Variants in COL6A1 observed in about 807,000 individuals in gnomAD.
COL6A1 encodes collagen alpha-1(VI) chain.
A neutral mutation model predicts 145.6 loss-of-function variants in COL6A1; 80 were observed. The observed-to-expected ratio is 0.55, with a 90% CI of 0.46 to 0.66. The LOEUF is 0.66. Among genes scored for constraint, COL6A1 ranks in the 30% least tolerant of loss-of-function variants. COL6A1 has a pLI of 0.00. For missense variants in COL6A1, 1,364 were observed against 1,473.8 expected, an observed-to-expected ratio of 0.93 and a Z score of 1.22; for synonymous variants, 638 against 622.8, an observed-to-expected ratio of 1.02 and a Z score of -0.36.
At chr21:45,993,517 C>T (rs1367065080) in intron 19 of COL6A1, among the ~76,000 whole-genome samples, 2 of 152,270 alleles carry the variant, frequency 1.3e-5, no homozygotes, top group Non-Finnish European at 2.9e-5. Context: ...CGGGTGCCCC[C>T]TTGTCCGAGA....
chr21:45,992,319 G>A (rs920728864), intron 17 of COL6A1, 44 bp from the exon 18 acceptor site: 1 of 1,613,796 alleles, frequency 6.2e-7, no homozygotes, highest in South Asian at 1.1e-5. Flanking sequence ...CAAATGCAGT[G>A]TGTCCACCAG....
In COL6A1 at chr21:45,991,056, G is replaced by A. The variant is rs980833349; in HGVS notation, c.1119+15G>A. On this transcript the variant is annotated intron_variant, in intron 15 of 34. Transcript: ENST00000361866. ...AAGGAGAAAAGGTGAGTGACTTGCGGCCCCTGGAGGACCAGGGCCTTCACG... is the reference window on the plus strand; with the variant it reads ...AAGGAGAAAAGGTGAGTGACTTGCGACCCCTGGAGGACCAGGGCCTTCACG... The A allele has an allele frequency of 6.2e-7, 1 of 1,613,118 alleles. No individual in the cohort carries two copies. The highest frequency in any genetic ancestry group is 8.5e-7 in the Non-Finnish European group (1 of 1,179,914).
At chr21:45,996,906 A>G (rs911155401) in intron 20 of COL6A1, among the ~76,000 whole-genome samples, 9 of 152,280 alleles carry the variant, frequency 5.9e-5, no homozygotes, top group African/African-American at 2.2e-4. Context: ...GTCCAGGCTC[A>G]GCCCACAGAG....
At position 45,982,712 on chromosome 21, in the gene COL6A1, T is replaced by C. The variant is rs751385900; in HGVS notation, c.176T>C (p.Val59Ala). 1 of 1,612,800 alleles carries C rather than the reference T, an allele frequency of 6.2e-7. No homozygotes were observed. Among genetic ancestry groups the C allele is most frequent in the Non-Finnish European group, 8.5e-7 (1 of 1,179,964 alleles). The change falls in exon 2 of 35, where the codon GTG (valine) becomes GCG (alanine). Residue 59 changes from valine (V) to alanine (A), a missense_variant. Val to Ala is a moderately conservative substitution (Grantham distance 64). Coordinates refer to ENST00000361866, the MANE Select transcript of COL6A1 (RefSeq NM_001848.3). Reference protein sequence around the residue: ...ALRLKPYGALVDKVKSFTKRF... With the variant: ...ALRLKPYGALADKVKSFTKRF... ...AGGCTGAAGCCCTACGGGGCCCTCG[T>C]GGACAAAGTCAAGTCCTTCACCAAG...
In COL6A1 at chr21:45,989,791, C is replaced by G. The variant is rs370271954; in HGVS notation, c.930+13C>G. The G allele has an allele frequency of 1.9e-6, 3 of 1,612,824 alleles. No homozygotes were observed. Among genetic ancestry groups the G allele is most frequent in the East Asian group, 4.5e-5 (2 of 44,856 alleles). On this transcript the variant is annotated intron_variant, in intron 11 of 34. Coordinates refer to ENST00000361866, the MANE Select transcript of COL6A1 (RefSeq NM_001848.3). ...CCGTGGGGAGAAGGTGAGTGAGGCT[C>G]GACCTCGGAGCTGGTCTCTCCAGGC...
chr21:45,990,312 G>A (rs2077767341), intron 12 of COL6A1, 28 bp downstream of exon 12: 2 of 1,612,780 alleles, frequency 1.2e-6, no homozygotes, highest in Admixed American at 3.3e-5. Context: ...GGAGGGGGGA[G>A]TTCTGCCCCC....
chr21:46,000,441 GGTGTCTC>G (rs2123487372), intron 28 of COL6A1, 74 bp downstream of exon 28: 1 of 1,545,416 alleles, frequency 6.5e-7, no homozygotes, highest in African/African-American at 1.4e-5. Flanking sequence ...CTCCTAGAAG[GGTGTCTC>G]CACTGTTGGG....
chr21:45,992,222 G>A lies in COL6A1; in HGVS notation c.1236+5G>A, dbSNP rs376327142. 98 of 1,613,488 alleles carry A rather than the reference G, an allele frequency of 6.1e-5. No homozygotes were observed. Among genetic ancestry groups the A allele is most frequent in the Non-Finnish European group, 8.0e-5 (94 of 1,179,996 alleles). The stretch of plus-strand genomic sequence containing the variant: ...AAAGGAGAGGCGGGCGACGAGGTGA[G>A]TGAGGGCTCCTGACACCTTCCTGGG... On this transcript the variant is annotated splice_donor_5th_base_variant and intron_variant, in intron 17 of 34. Coordinates refer to ENST00000361866, the MANE Select transcript of COL6A1 (RefSeq NM_001848.3).
Position 45,992,029 on chromosome 21 carries a change from G to A in COL6A1, c.1139G>A (p.Gly380Glu), listed in dbSNP as rs777067695. ...CCCCAGGGCGAGCCTGGAGCTGACG[G>A]GGAGGCGGGGAGACCAGGGAGCTCG... ...KGEKGEPGAD[G>E]EAGRPGSSGP... Residue 380 changes from glycine (G) to glutamate (E), a missense_variant, in exon 16 of 35, where the codon GGG becomes GAG. Physicochemically the swap from Gly to Glu is moderately conservative, Grantham distance 98. Around this residue, in one of 3 missense-constraint regions of COL6A1, gnomAD observed 938 missense variants for 1,003.8 expected, o/e 0.93. Coordinates refer to ENST00000361866, the MANE Select transcript of COL6A1 (RefSeq NM_001848.3). 1 of 1,602,986 alleles carries A rather than the reference G, an allele frequency of 6.2e-7. No homozygotes were observed. The highest frequency in any genetic ancestry group is 8.5e-7 in the Non-Finnish European group (1 of 1,175,388).
At chr21:45,995,474 T>G (rs1037526536) in intron 20 of COL6A1, among the ~76,000 whole-genome samples, 13 of 152,096 alleles carry the variant, frequency 8.5e-5, no homozygotes. Flanking sequence ...GCTCCAGACC[T>G]TGGTAGCTGA....
chr21:45,982,898 T>A, intron 2 of COL6A1, 135 bp downstream of exon 2: 1 of 1,279,716 alleles, frequency 7.8e-7, no homozygotes, highest in Non-Finnish European at 1.1e-6. Context: ...CCGGGGCCCC[T>A]CCCGGCGCCC....
rs1420089710 is a variant in COL6A1, at chr21:45,998,143, A to G, written c.1547A>G (p.Asn516Ser). 6.2e-7 allele frequency: 1 copy of G among 1,612,506 alleles called. No individual in the cohort carries two copies. The change falls in exon 23 of 35, where the codon AAT (asparagine) becomes AGT (serine). Residue 516 changes from asparagine to serine, a missense_variant. Coordinates refer to ENST00000361866, the MANE Select transcript of COL6A1 (RefSeq NM_001848.3). ...CAGGGAGAAGACGGCCCCGCTGGAA[A>G]TGGCACCGAGGGCTTCCCCGGCTTC... Reference protein sequence around the residue: ...GERGEDGPAGNGTEGFPGFPG... With the variant: ...GERGEDGPAGSGTEGFPGFPG...
intron 20 of COL6A1, among the ~76,000 whole-genome samples, chr21:45,995,577 A>T (rs891348759): frequency 6.6e-5 from 10 of 152,232 alleles, no homozygotes; most frequent in African/African-American, 2.4e-4. Context: ...TTTTCAAAGT[A>T]ATCAATAGCC....
At chr21:45,998,322 C>A in intron 23 of COL6A1, 76 bp from the exon 24 acceptor site, 1 of 1,600,436 alleles carries the variant, frequency 6.2e-7, no homozygotes, top group Non-Finnish European at 8.5e-7. Flanking sequence ...CAGCTCAGGC[C>A]CTTCCGCTGT....
chr21:46,001,183 G>C, intron 29 of COL6A1, 70 bp from the exon 30 acceptor site: 1 of 1,575,206 alleles, frequency 6.3e-7, no homozygotes, highest in Non-Finnish European at 8.6e-7. Context: ...AGGGGCCAGG[G>C]CGGTGGAGGG....
At chr21:45,999,722 G>A (rs1290707230) in intron 27 of COL6A1, 30 bp downstream of exon 27, 4 of 1,609,956 alleles carry the variant, frequency 2.5e-6, no homozygotes, top group Middle Eastern at 1.6e-4. Flanking sequence ...CATTGCTGGG[G>A]GCGACCACTG....
intron 20 of COL6A1, among the ~76,000 whole-genome samples, chr21:45,995,633 G>A (rs2077800631): frequency 6.6e-6 from 1 of 152,250 alleles, no homozygotes; most frequent in African/African-American, 2.4e-5. Context: ...TGTGGTAAGA[G>A]GCAGTCCTGT....
rs2077865473 is a variant in COL6A1, at chr21:46,003,933, C to A, written c.3007C>A (p.Leu1003Met). Residue 1003 changes from leucine to methionine, a missense_variant, in exon 35 of 35, where the codon CTG becomes ATG. By Grantham distance (15) the Leu-to-Met change is conservative (BLOSUM62 2). This residue lies in a region of COL6A1 where 938 missense variants were observed against 1,003.8 expected (regional missense o/e 0.93). Transcript: ENST00000361866. ...CGACGTGGCCTACGGCGAGAGCCAC[C>A]TGTTCCGTGTCCCCAGCTACCAGGC... ...EYDVAYGESHLFRVPSYQALL... is the reference protein window; with the variant it reads ...EYDVAYGESHMFRVPSYQALL... 1 of 1,611,406 alleles carries A rather than the reference C, an allele frequency of 6.2e-7. No individual in the cohort carries two copies. The highest frequency in any genetic ancestry group is 1.3e-5 in the African/African-American group (1 of 75,038).
rs943084925 is a variant in COL6A1, at chr21:45,984,571, C to G, written c.428+102C>G. On this transcript the variant is annotated intron_variant, in intron 3 of 34. Coordinates refer to ENST00000361866, the MANE Select transcript of COL6A1 (RefSeq NM_001848.3). The stretch of plus-strand genomic sequence containing the variant: ...CCCTGTGCGGCTTCAGCTGCAGCCT[C>G]CCTGTTCTCTTGGAGGCTGCACGGC... The G allele has an allele frequency of 1.0e-5, 12 of 1,144,642 alleles. 1 individual carries two copies. Among genetic ancestry groups the G allele is most frequent in the Admixed American group, 1.9e-5 (1 of 53,694 alleles). 70.9% of individuals were successfully genotyped at this position (1,144,642 alleles called of 1,614,324 possible). A position where few individuals can be genotyped will look rare whatever the true frequency, so the allele number is the denominator to read the frequency against.
Sources: gnomAD v4.1 joint callset for allele counts (sites outside exome capture counted in the v4.1 genomes callset) on GRCh38, gnomAD v4.1.1 for gene constraint, gnomAD v4.1.1 regional missense constraint, MANE v1.5 for transcripts, NCBI Gene and HGNC (gene_info 2026-07-23, HGNC 2026-07-21) for gene names.